Variants in PRRX1 observed in about 807,000 individuals in gnomAD.
The protein encoded by PRRX1 is paired mesoderm homeobox protein 1.
A neutral mutation model predicts 24.0 loss-of-function variants in PRRX1; 8 were observed. The observed-to-expected ratio is 0.33, with a 90% CI of 0.20 to 0.60. The LOEUF (loss-of-function observed/expected upper bound fraction) is 0.60. Ranked by LOEUF, PRRX1 falls within the 20% of genes least tolerant of loss-of-function variation. The pLI is 0.82. For synonymous variants in PRRX1, 160 were observed against 131.7 expected, an observed-to-expected ratio of 1.22 and a Z score of -1.47; for missense variants, 281 against 322.4, an observed-to-expected ratio of 0.87 and a Z score of 0.98.
chr1:170,724,931 T>G (rs769639477), intron 2 of PRRX1, among the ~76,000 whole-genome samples: 5 of 152,218 alleles, frequency 3.3e-5, no homozygotes, highest in African/African-American at 4.8e-5. Context: ...GTTTTTCCAT[T>G]TGTTTGTGTC....
At chr1:170,681,052 C>A (rs1653487181) in intron 1 of PRRX1, among the ~76,000 whole-genome samples, 1 of 152,182 alleles carries the variant, frequency 6.6e-6, no homozygotes, top group South Asian at 2.1e-4. Flanking sequence ...TTCCACTTAA[C>A]TTGTGCCTTT....
chr1:170,699,130 A>G (rs1204561783), intron 1 of PRRX1, among the ~76,000 whole-genome samples: 1 of 152,218 alleles, frequency 6.6e-6, no homozygotes, highest in Non-Finnish European at 1.5e-5. Flanking sequence ...GCCAAATAAA[A>G]TACAGTGGAA....
chr1:170,720,481 C>G (rs1655046148), intron 2 of PRRX1, among the ~76,000 whole-genome samples: 1 of 152,088 alleles, frequency 6.6e-6, no homozygotes, highest in Admixed American at 6.6e-5. Context: ...GGTTCCTCTC[C>G]CAGCACCCCT....
At chr1:170,714,420 G>A (rs567349817) in intron 1 of PRRX1, among the ~76,000 whole-genome samples, 1 of 152,282 alleles carries the variant, frequency 6.6e-6, no homozygotes, top group African/African-American at 2.4e-5. Context: ...TCAACCAAAA[G>A]GCAGATGACA....
chr1:170,728,287 T>G (rs879623037), intron 3 of PRRX1: 5 of 152,220 alleles, frequency 3.3e-5, no homozygotes, highest in Non-Finnish European at 7.3e-5. Context: ...GTGTTTAGTA[T>G]ATGGACATCT....
At chr1:170,685,578 C>T (rs1036478295) in intron 1 of PRRX1, among the ~76,000 whole-genome samples, 7 of 152,174 alleles carry the variant, frequency 4.6e-5, no homozygotes, top group Non-Finnish European at 8.8e-5. Context: ...AGATTTCAAT[C>T]CTGCCTCTAT....
At chr1:170,730,731 C>T (rs936855650) in intron 3 of PRRX1, 7 of 203,024 alleles carry the variant, frequency 3.4e-5, no homozygotes, top group Admixed American at 1.6e-4. Flanking sequence ...GGACGGGGTT[C>T]GGAAGAACTA....
At chr1:170,713,541 C>T (rs1654811670) in intron 1 of PRRX1, among the ~76,000 whole-genome samples, 2 of 152,086 alleles carry the variant, frequency 1.3e-5, no homozygotes, top group Admixed American at 6.5e-5. Flanking sequence ...CCTTAGAGTA[C>T]CTCACATTCT....
chr1:170,664,332 C>G lies in PRRX1; in HGVS notation c.114C>G (p.His38Gln). ...LQAKKNFSVS[H>Q]LLDLEEAGDM... ...CGAAAAAGAACTTCTCCGTCAGTCACCTGCTAGACCTGGAGGAAGCCGGGG... is the reference window on the plus strand; with the variant it reads ...CGAAAAAGAACTTCTCCGTCAGTCAGCTGCTAGACCTGGAGGAAGCCGGGG... Residue 38 changes from histidine (H) to glutamine (Q), a missense_variant, in exon 1 of 4, where the codon CAC (histidine) becomes CAG (glutamine). Physicochemically the swap from His to Gln is conservative, Grantham distance 24. Transcript: ENST00000239461. 1 of 1,614,026 alleles carries G rather than the reference C, an allele frequency of 6.2e-7. No individual in the cohort carries two copies. The highest frequency in any genetic ancestry group is 8.5e-7 in the Non-Finnish European group (1 of 1,179,974).
intron 3 of PRRX1, among the ~76,000 whole-genome samples, chr1:170,732,188 A>C (rs1371009790): frequency 2.0e-5 from 3 of 152,216 alleles, no homozygotes; most frequent in African/African-American, 7.2e-5. Context: ...TGGTCATTTT[A>C]CATGTTCCGA....
At position 170,664,144 on chromosome 1, in the gene PRRX1, C is replaced by A; in HGVS notation, c.-75C>A. The A allele has an allele frequency of 1.3e-6, 2 of 1,488,520 alleles. No individual in the cohort carries two copies. Among genetic ancestry groups the A allele is most frequent in the Non-Finnish European group, 1.8e-6 (2 of 1,100,756 alleles). The allele number at this position is 1,488,520 out of a possible 1,614,324, so 92.2% of individuals were successfully genotyped here. A position where few individuals can be genotyped will look rare whatever the true frequency, so the allele number is the denominator to read the frequency against. ...TCTTTCTTCCCCACTCGGCTCCTCT[C>A]CCCCCTCGCGCCCACAGCGTTTGGT... On this transcript the variant is annotated 5_prime_UTR_variant, in exon 1 of 4. Transcript: ENST00000239461.
At chr1:170,677,032 C>A (rs374133575) in intron 1 of PRRX1, among the ~76,000 whole-genome samples, 1 of 151,992 alleles carries the variant, frequency 6.6e-6, no homozygotes, top group Non-Finnish European at 1.5e-5. Flanking sequence ...GAGTGAATGG[C>A]GAATTTTCTA....
intron 1 of PRRX1, among the ~76,000 whole-genome samples, chr1:170,708,229 AAGGAC>A (rs1457309882): frequency 6.6e-6 from 1 of 152,160 alleles, no homozygotes. Context: ...GACTATTAAC[AAGGAC>A]TTCTTTAGGG....
intron 3 of PRRX1, 155 bp downstream of exon 3, chr1:170,726,556 G>A (rs1271802949): frequency 1.1e-6 from 1 of 910,586 alleles, no homozygotes; most frequent in Non-Finnish European, 1.6e-6. Context: ...TTTCCCAGGA[G>A]ATTATAAGCT....
chr1:170,668,899 T>C (rs997579501), intron 1 of PRRX1: 1 of 152,118 alleles, frequency 6.6e-6, no homozygotes, highest in African/African-American at 2.4e-5. Context: ...TGGAAACTTT[T>C]CTCTTTAGAG....
intron 1 of PRRX1, among the ~76,000 whole-genome samples, chr1:170,676,877 G>A (rs1480423091): frequency 6.6e-6 from 1 of 152,012 alleles, no homozygotes; most frequent in East Asian, 1.9e-4. Context: ...AAATTCCTCT[G>A]GTTCATGTTC....
intron 1 of PRRX1, among the ~76,000 whole-genome samples, chr1:170,702,715 A>T (rs1296305550): frequency 6.6e-6 from 1 of 152,222 alleles, no homozygotes; most frequent in Non-Finnish European, 1.5e-5. Context: ...TTAAAATTTT[A>T]GTTTTATGGT....
chr1:170,733,508 T>G (rs970327944), intron 3 of PRRX1, among the ~76,000 whole-genome samples: 1 of 152,146 alleles, frequency 6.6e-6, no homozygotes, highest in Non-Finnish European at 1.5e-5. Context: ...GAGAAAATTT[T>G]TCTTTATACT....
At chr1:170,703,398 G>A (rs1654455684) in intron 1 of PRRX1, among the ~76,000 whole-genome samples, 1 of 152,114 alleles carries the variant, frequency 6.6e-6, no homozygotes, top group Non-Finnish European at 1.5e-5. Context: ...AATGGTCCAT[G>A]CAGAGCACTT....
Sources: allele counts gnomAD v4.1 joint callset (sites outside exome capture counted in the v4.1 genomes callset), GRCh38; gene constraint gnomAD v4.1.1; transcripts MANE v1.5; gene names NCBI Gene and HGNC (gene_info 2026-07-23, HGNC 2026-07-21).